Variants in HCFC1 observed in about 807,000 individuals in gnomAD.
The protein encoded by HCFC1 is host cell factor C1, also known as host cell factor 1.
A neutral mutation model predicts 105.5 loss-of-function variants in HCFC1; 7 were observed. The ratio of observed to expected loss-of-function variants is 0.07; its 90% CI spans 0.04 to 0.12. The LOEUF is 0.12. Ranked by LOEUF, HCFC1 falls within the 10% of genes least tolerant of loss-of-function variation. The probability of loss-of-function intolerance (pLI) is 1.00; values close to 1 mark genes in which losing one functional copy is unlikely to be tolerated. For missense variants in HCFC1, 1,065 were observed against 1,823.6 expected (o/e 0.58, Z 7.58); for synonymous variants, 918 against 828.1 (o/e 1.11, Z -1.86).
intron 9 of HCFC1, 62 bp downstream of exon 9, chrX:153,959,269 A>G (rs1557116016): frequency 4.5e-6 from 5 of 1,110,622 alleles, no homozygotes; most frequent in Admixed American, 2.7e-5. Context: ...CCCTCAGTAC[A>G]CTTGCAACTT....
At chrX:153,965,581 A>C (rs1190374186) in intron 1 of HCFC1, among the ~76,000 whole-genome samples, 2 of 111,959 alleles carry the variant, frequency 1.8e-5, no homozygotes, top group African/African-American at 6.5e-5. Context: ...CTTTCCAGAA[A>C]CCCCAAACTG....
At position 153,952,421 on chromosome X, in the gene HCFC1, C is replaced by T. The variant is rs1208286140; in HGVS notation, c.4942+93G>A. 4 of 996,069 alleles carry T rather than the reference C, an allele frequency of 4.0e-6. No homozygotes were observed. In the African/African-American group the frequency reaches 7.7e-5, roughly 19 times the overall value. 82.1% of individuals were successfully genotyped at this position (996,069 alleles called of 1,213,427 possible). A position where few individuals can be genotyped will look rare whatever the true frequency, so the allele number is the denominator to read the frequency against. ...CCCATCACATCTGGCTCATGCCACC[C>T]TCGAGGGAAATGGGCTCCTCTTCCC... On this transcript the variant is annotated intron_variant, in intron 19 of 25. Coordinates refer to ENST00000310441, the MANE Select transcript of HCFC1 (RefSeq NM_005334.3).
In HCFC1 at chrX:153,955,443, T is replaced by C; in HGVS notation, c.2956A>G (p.Thr986Ala). The change falls in exon 17 of 26, where the codon ACT becomes GCT. Residue 986 changes from threonine (T) to alanine (A), a missense_variant. Transcript: ENST00000310441. ...ACTGTGGCGGTGGGCTGTTCTGTAGTCGGGGAGGCCAGAATGGACACAGGG... is the reference window on the plus strand; with the variant it reads ...ACTGTGGCGGTGGGCTGTTCTGTAGCCGGGGAGGCCAGAATGGACACAGGG... ...DLPVSILASP[T>A]TEQPTATVTI... is the part of the protein sequence containing the mutation. 1 of 1,208,979 alleles carries C rather than the reference T, an allele frequency of 8.3e-7. No homozygotes were observed. Among genetic ancestry groups the C allele is most frequent in the Non-Finnish European group, 1.1e-6 (1 of 893,965 alleles).
Position 153,971,121 on chromosome X carries a change from G to A in HCFC1, c.-281C>T. ...CTGAGTCCCGTCGCCCCGACTACTTGTCCGGGCGCTCCCGCTTACAAGCTC... is the reference window on the plus strand; with the variant it reads ...CTGAGTCCCGTCGCCCCGACTACTTATCCGGGCGCTCCCGCTTACAAGCTC... On this transcript the variant is annotated 5_prime_UTR_variant, in exon 1 of 26. Transcript: ENST00000310441. The A allele has an allele frequency of 5.9e-6, 2 of 341,540 alleles. No homozygotes were observed. Among genetic ancestry groups the A allele is most frequent in the South Asian group, 8.4e-5 (1 of 11,844 alleles). 28.1% of individuals were successfully genotyped at this position (341,540 alleles called of 1,213,427 possible). A position where few individuals can be genotyped will look rare whatever the true frequency, so the allele number is the denominator to read the frequency against.
At chrX:153,968,580 C>A (rs1409249198) in intron 1 of HCFC1, among the ~76,000 whole-genome samples, 1 of 112,396 alleles carries the variant, frequency 8.9e-6, no homozygotes, top group African/African-American at 3.2e-5. Context: ...TTAAGCAGCC[C>A]TTTGGAAGGC....
At position 153,955,388 on chromosome X, in the gene HCFC1, A is replaced by C; in HGVS notation, c.3011T>G (p.Val1004Gly). 3.3e-6 allele frequency: 4 copies of C among 1,211,069 alleles called. No homozygotes were observed. Among genetic ancestry groups the C allele is most frequent in the Non-Finnish European group, 4.5e-6 (4 of 894,933 alleles). ...CACCAAGGTGACAGTGCCAGGCTGC[A>C]CATCACCCTGGCCTGAGTCGGCGAT... Reference protein sequence around the residue: ...VTIADSGQGDVQPGTVTLVCS... With the variant: ...VTIADSGQGDGQPGTVTLVCS... The change falls in exon 17 of 26, where the codon GTG (valine) becomes GGG (glycine). Residue 1004 changes from valine (V) to glycine (G), a missense_variant. Around this residue, in one of 17 missense-constraint regions of HCFC1, gnomAD observed 546 missense variants for 599.9 expected, o/e 0.91. Transcript: ENST00000310441.
chrX:153,955,872 C>T (rs1362309396), intron 16 of HCFC1, among the ~76,000 whole-genome samples: 2 of 113,067 alleles, frequency 1.8e-5, no homozygotes, highest in South Asian at 7.1e-4. Context: ...AACGTTTCAC[C>T]GTTTTCCTTA....
intron 18 of HCFC1, among the ~76,000 whole-genome samples, chrX:153,953,387 G>A (rs1304621210): frequency 4.4e-5 from 5 of 112,444 alleles, no homozygotes; most frequent in Non-Finnish European, 9.4e-5. Flanking sequence ...GACACGCGAT[G>A]AGAACCAGTC....
rs1557116370 is a variant in HCFC1 at position 153,960,133 on chromosome X, T to C, written c.1113A>G (p.Gln371=). The C allele has an allele frequency of 7.4e-6, 9 of 1,210,027 alleles. No individual in the cohort carries two copies. The highest frequency in any genetic ancestry group is 1.8e-5 in the South Asian group (1 of 56,843). The change falls in exon 8 of 26, where the codon CAA becomes CAG. Residue 371 remains glutamine (Q), a synonymous_variant. Transcript: ENST00000310441. ...GGGAGTTGGTGTTGGCGCGTACCAG[T>C]TGTACTCGGGCTGGGGGTGGTGGCT... ...TEKPPPPARV[Q]LVRANTNSLE...
In HCFC1 at chrX:153,954,520, T is replaced by C. The variant is rs782064880; in HGVS notation, c.3879A>G (p.Pro1293=). The part of the protein sequence containing the change: ...ATVTQVCSNP[P]CETHETGTTN... Reference sequence around the variant, plus strand: ...TGGTGCCTGTCTCGTGGGTCTCACATGGTGGGTTGGAGCAGACTTGGGTCA... The same window carrying C: ...TGGTGCCTGTCTCGTGGGTCTCACACGGTGGGTTGGAGCAGACTTGGGTCA... Residue 1293 remains proline, a synonymous_variant, in exon 17 of 26, where the codon CCA becomes CCG. Transcript: ENST00000310441. 4 of 1,205,630 alleles carry C rather than the reference T, an allele frequency of 3.3e-6. No individual in the cohort carries two copies. The highest frequency in any genetic ancestry group is 6.0e-5 in the East Asian group (2 of 33,466).
At position 153,970,938 on chromosome X, in the gene HCFC1, G is replaced by A. The variant is rs1557119986; in HGVS notation, c.-98C>T. On this transcript the variant is annotated 5_prime_UTR_variant, in exon 1 of 26. Transcript: ENST00000310441. ...CCCTTTCGTCTAAGGCAGCTCTCAC[G>A]GAGAAGCGGTTTCTCACACAGCGGT... 1.3e-6 allele frequency: 1 copy of A among 747,137 alleles called. No individual in the cohort carries two copies. Among genetic ancestry groups the A allele is most frequent in the Non-Finnish European group, 1.9e-6 (1 of 528,336 alleles). The allele number at this position is 747,137 out of a possible 1,213,427, so 61.6% of individuals were successfully genotyped here.
At position 153,959,641 on chromosome X, in the gene HCFC1, G is replaced by A. The variant is rs188909953; in HGVS notation, c.1445-150C>T. Reference sequence around the variant, plus strand: ...CTGAGAGTGACCATTTCCACAGGTGGGGCCAGGCTTTAGCATCCCCCTACA... The same window carrying A: ...CTGAGAGTGACCATTTCCACAGGTGAGGCCAGGCTTTAGCATCCCCCTACA... On this transcript the variant is annotated intron_variant, in intron 8 of 25. Coordinates refer to ENST00000310441, the MANE Select transcript of HCFC1 (RefSeq NM_005334.3). The A allele has an allele frequency of 1.3e-4, 121 of 941,435 alleles. No individual in the cohort carries two copies. The African/African-American group carries it at 2.1e-3, about 16-fold the overall frequency. 77.6% of individuals were successfully genotyped at this position (941,435 alleles called of 1,213,427 possible).
At chrX:153,967,457 G>C (rs782600500) in intron 1 of HCFC1, among the ~76,000 whole-genome samples, 4 of 112,284 alleles carry the variant, frequency 3.6e-5, no homozygotes, top group Non-Finnish European at 7.5e-5. Context: ...TGCCCATGCA[G>C]TGAGGTGGCC....
intron 8 of HCFC1, 143 bp downstream of exon 8, chrX:153,959,659 C>A: frequency 1.1e-6 from 1 of 940,358 alleles, no homozygotes; most frequent in Non-Finnish European, 1.5e-6. Flanking sequence ...CTTTAGCATC[C>A]CCCTACAACC....
intron 19 of HCFC1, 152 bp from the exon 20 acceptor site, chrX:153,952,310 G>A: frequency 2.0e-6 from 2 of 1,006,667 alleles, no homozygotes; most frequent in Non-Finnish European, 2.6e-6. Context: ...GGCCCTGCCT[G>A]TTTCCCAGGC....
Position 153,953,921 on chromosome X carries a change from G to A in HCFC1, c.4333+145C>T, listed in dbSNP as rs1278434539. 3.4e-6 allele frequency: 3 copies of A among 886,183 alleles called. No individual in the cohort carries two copies. In the East Asian group the frequency reaches 9.8e-5, roughly 29 times the overall value. The allele number at this position is 886,183 out of a possible 1,213,427, so 73.0% of individuals were successfully genotyped here. On this transcript the variant is annotated intron_variant, in intron 17 of 25. Coordinates refer to ENST00000310441, the MANE Select transcript of HCFC1 (RefSeq NM_005334.3). ...CCTCTGTCTGCTTCAGGTACAGCCA[G>A]GACGCCCCAGCTCTCCCCACTGGTA...
Position 153,949,627 on chromosome X carries a change from C to T in HCFC1, c.6005-11G>A, listed in dbSNP as rs781970769. Reference sequence around the variant, plus strand: ...TGTCTTTACTGGTTTCTGGAAGGAACGGGAGAGATGCGTGAGCAGCATTGT... The same window carrying T: ...TGTCTTTACTGGTTTCTGGAAGGAATGGGAGAGATGCGTGAGCAGCATTGT... On this transcript the variant is annotated splice_polypyrimidine_tract_variant and intron_variant, in intron 24 of 25. Transcript: ENST00000310441. 3 of 1,198,695 alleles carry T rather than the reference C, an allele frequency of 2.5e-6. No homozygotes were observed. Among genetic ancestry groups the T allele is most frequent in the African/African-American group, 1.7e-5 (1 of 57,579 alleles).
In HCFC1 at chrX:153,971,254, A is replaced by C. The variant is rs1603299632; in HGVS notation, c.-414T>G. The C allele has an allele frequency of 3.3e-6, 1 of 303,529 alleles. No homozygotes were observed. 25.0% of individuals were successfully genotyped at this position (303,529 alleles called of 1,213,427 possible). On this transcript the variant is annotated 5_prime_UTR_variant, in exon 1 of 26. Coordinates refer to ENST00000310441, the MANE Select transcript of HCFC1 (RefSeq NM_005334.3). The stretch of plus-strand genomic sequence containing the variant: ...GGCGGAGCCCCGGCCCGGTTCCCAC[A>C]CCCCCAAGTCCCCAGCACTGGCCGG...
intron 17 of HCFC1, 45 bp from the exon 18 acceptor site, chrX:153,953,815 G>T (rs782664455): frequency 1.7e-6 from 2 of 1,150,056 alleles, no homozygotes; most frequent in Non-Finnish European, 2.3e-6. Flanking sequence ...GAGCCCCCCC[G>T]GCCTGTACTT....
Sources: allele counts gnomAD v4.1 joint callset (sites outside exome capture counted in the v4.1 genomes callset), GRCh38; gene constraint gnomAD v4.1.1; regional missense constraint gnomAD v4.1.1; transcripts MANE v1.5; gene names NCBI Gene and HGNC (gene_info 2026-07-23, HGNC 2026-07-21).